SLC24A2: variants seen among roughly 807,000 people sequenced by gnomAD.
SLC24A2 encodes solute carrier family 24 member 2, also known as sodium/potassium/calcium exchanger 2.
Under a neutral mutation model 62.0 loss-of-function variants are expected in SLC24A2, and 36 were observed. The observed-to-expected ratio is 0.58, with a 90% CI of 0.44 to 0.77. SLC24A2 has a LOEUF of 0.77. SLC24A2 is among the 30% of genes least tolerant of loss of function. The probability of loss-of-function intolerance (pLI) is 0.00; values close to 1 mark genes in which losing one functional copy is unlikely to be tolerated. For synonymous variants in SLC24A2, 358 were observed against 294.0 expected, an observed-to-expected ratio of 1.22 and a Z score of -2.23; for missense variants, 846 against 817.9, an observed-to-expected ratio of 1.03 and a Z score of -0.42.
the SLC24A2 span, among the ~76,000 whole-genome samples, chr9:19,896,418 C>T: frequency 6.6e-6 from 1 of 152,134 alleles, no homozygotes; most frequent in Admixed American, 6.5e-5. Flanking sequence ...TTTGAAATGC[C>T]AATTTGCTCA....
At chr9:19,931,927 T>G in the SLC24A2 span, among the ~76,000 whole-genome samples, 1,038 of 152,152 alleles carry the variant, frequency 6.8e-3, 9 homozygotes, top group South Asian at 0.025. Context: ...TTATTTATTA[T>G]TATTATTATT....
At chr9:19,533,761 G>C (rs1038896462) in intron 8 of SLC24A2, among the ~76,000 whole-genome samples, 2 of 152,196 alleles carry the variant, frequency 1.3e-5, no homozygotes, top group African/African-American at 2.4e-5. Flanking sequence ...AAAATGTCTT[G>C]TATTAAGCCA....
rs1193608554 is a variant in SLC24A2, at chr9:19,597,299, GAC to G, written c.1079-22_1079-21del. The G allele has an allele frequency of 6.7e-7, 1 of 1,496,038 alleles. No individual in the cohort carries two copies. The highest frequency in any genetic ancestry group is 1.1e-5 in the South Asian group (1 of 88,652). 92.7% of individuals were successfully genotyped at this position (1,496,038 alleles called of 1,614,324 possible). ...CAAGTTCTACAACATCACAGTAAAAGACACAAAGATAAGGAACGAGCTATAAT... is the reference window on the plus strand; with the variant it reads ...CAAGTTCTACAACATCACAGTAAAAGACAAAGATAAGGAACGAGCTATAAT... On this transcript the variant is annotated intron_variant, in intron 4 of 10. Coordinates refer to ENST00000341998, the MANE Select transcript of SLC24A2 (RefSeq NM_020344.4).
chr9:19,768,389 T>C (rs1822582902), intron 2 of SLC24A2, among the ~76,000 whole-genome samples: 1 of 152,184 alleles, frequency 6.6e-6, no homozygotes, highest in South Asian at 2.1e-4. Flanking sequence ...CAATGTTCAA[T>C]TCTCTGACCT....
intron 2 of SLC24A2, among the ~76,000 whole-genome samples, chr9:19,681,328 C>T (rs527736400): frequency 1.9e-4 from 29 of 152,208 alleles, no homozygotes; most frequent in Middle Eastern, 6.8e-3. Context: ...AGGCTTTCTC[C>T]GGTCCACCTT....
chr9:20,091,692 T>C, the SLC24A2 span, among the ~76,000 whole-genome samples: 9 of 152,148 alleles, frequency 5.9e-5, no homozygotes, highest in Non-Finnish European at 1.0e-4. Context: ...GCCTGCCTTA[T>C]AAGAGATCTT....
the SLC24A2 span, among the ~76,000 whole-genome samples, chr9:20,143,528 A>G: frequency 6.6e-6 from 1 of 152,180 alleles, no homozygotes; most frequent in Non-Finnish European, 1.5e-5. Context: ...ATGAGAGAAA[A>G]AACTATAAGC....
rs548201871 is a variant in SLC24A2 at position 19,556,220 on chromosome 9, C to T, written c.1348-5952G>A. Among the ~76,000 whole-genome samples, 4 of 152,296 alleles carry T rather than the reference C, an allele frequency of 2.6e-5. No individual in the cohort carries two copies. In the South Asian group the frequency reaches 8.3e-4, roughly 32 times the overall value. ...AGCATCATGATAATCCATTTAGCTT[C>T]TTTGCATGTACATCTTACACTTTTT... On this transcript the variant is annotated intron_variant, in intron 7 of 10. Coordinates refer to ENST00000341998, the MANE Select transcript of SLC24A2 (RefSeq NM_020344.4).
the SLC24A2 span, among the ~76,000 whole-genome samples, chr9:20,112,827 C>A: frequency 6.6e-6 from 1 of 151,910 alleles, no homozygotes; most frequent in Non-Finnish European, 1.5e-5. Flanking sequence ...ACCAGCCACC[C>A]CCCACCTCCC....
the SLC24A2 span, among the ~76,000 whole-genome samples, chr9:20,162,675 C>G: frequency 6.6e-6 from 1 of 151,610 alleles, no homozygotes; most frequent in Non-Finnish European, 1.5e-5. Flanking sequence ...GAGACACAAC[C>G]AAAAAAGAGA....
chr9:20,081,403 T>C, the SLC24A2 span, among the ~76,000 whole-genome samples: 2 of 142,666 alleles, frequency 1.4e-5, no homozygotes, highest in African/African-American at 5.3e-5. Context: ...CCGCATGTTC[T>C]CACTCATAGG....
At chr9:19,634,437 C>A (rs1023349517) in intron 2 of SLC24A2, among the ~76,000 whole-genome samples, 2 of 151,950 alleles carry the variant, frequency 1.3e-5, no homozygotes, top group Non-Finnish European at 2.9e-5. Context: ...TACAGGCATG[C>A]GCCACCATGC....
chr9:19,837,296 C>CA, the SLC24A2 span, among the ~76,000 whole-genome samples: 3 of 150,176 alleles, frequency 2.0e-5, 1 homozygote, highest in South Asian at 6.4e-4. Context: ...ACTAAAAATA[C>CA]AAAAAATTAG....
At chr9:20,277,636 G>A in the SLC24A2 span, among the ~76,000 whole-genome samples, 1 of 152,174 alleles carries the variant, frequency 6.6e-6, no homozygotes, top group African/African-American at 2.4e-5. Context: ...TACACTATTG[G>A]TGGGACTGTG....
the SLC24A2 span, chr9:19,930,071 A>T: frequency 3.3e-5 from 5 of 152,220 alleles, no homozygotes; most frequent in Admixed American, 3.3e-4. Flanking sequence ...ATAGTAACAA[A>T]GGTTAATTTA....
intron 8 of SLC24A2, among the ~76,000 whole-genome samples, chr9:19,529,916 ATTT>A (rs910680365): frequency 1.3e-5 from 2 of 151,108 alleles, no homozygotes; most frequent in African/African-American, 4.9e-5. Flanking sequence ...CACCCCACTA[ATTT>A]TTTTGTATTT....
At chr9:20,205,956 C>T in the SLC24A2 span, among the ~76,000 whole-genome samples, 52 of 152,102 alleles carry the variant, frequency 3.4e-4, no homozygotes, top group African/African-American at 1.3e-3. Context: ...GTATTTATAT[C>T]ATGACTTCAT....
At chr9:20,067,078 TATCA>T in the SLC24A2 span, among the ~76,000 whole-genome samples, 1 of 152,240 alleles carries the variant, frequency 6.6e-6, no homozygotes, top group African/African-American at 2.4e-5. Flanking sequence ...ATTTTTTATA[TATCA>T]AAGGTTTCTT....
the SLC24A2 span, among the ~76,000 whole-genome samples, chr9:20,031,072 A>G: frequency 6.6e-6 from 1 of 151,942 alleles, no homozygotes; most frequent in African/African-American, 2.4e-5. Context: ...AATATTTAGA[A>G]TATAGAGAGA....
Sources: gnomAD v4.1 joint callset for allele counts (sites outside exome capture counted in the v4.1 genomes callset) on GRCh38, gnomAD v4.1.1 for gene constraint, MANE v1.5 for transcripts, NCBI Gene and HGNC (gene_info 2026-07-23, HGNC 2026-07-21) for gene names.